FCHSD2: variants seen among roughly 807,000 people sequenced by gnomAD.
The protein encoded by FCHSD2 is FCH and double SH3 domains 2.
Under a neutral mutation model 108.1 loss-of-function variants are expected in FCHSD2, and 38 were observed. That is an observed-to-expected ratio of 0.35 (90% CI 0.27 to 0.46). The LOEUF (loss-of-function observed/expected upper bound fraction) is 0.46, where lower values mean the gene tolerates loss of function less well. FCHSD2 is among the 20% of genes least tolerant of loss of function. FCHSD2 has a pLI of 1.00. For missense variants in FCHSD2, 751 were observed against 897.8 expected, an observed-to-expected ratio of 0.84 and a Z score of 2.09; for synonymous variants, 279 against 314.7, an observed-to-expected ratio of 0.89 and a Z score of 1.20.
At position 72,902,606 on chromosome 11, in the gene FCHSD2, CA is replaced by C; in HGVS notation, c.860del (p.Leu287CysfsTer26). ...VVRDYNLQLF[L>X]QENAVFHKPQ... ...GTTTGTGAAATACAGCGTTTTCTTGCAAAAACAGCTGAAGATTGTAGTCCCG... is the reference window on the plus strand; with the variant it reads ...GTTTGTGAAATACAGCGTTTTCTTGCAAAACAGCTGAAGATTGTAGTCCCG... On this transcript the variant is annotated frameshift_variant, in exon 10 of 20. Coordinates refer to ENST00000409418, the MANE Select transcript of FCHSD2 (RefSeq NM_014824.3). LOFTEE classifies it high-confidence loss of function. The C allele has an allele frequency of 1.9e-6, 3 of 1,581,966 alleles. No individual in the cohort carries two copies. The highest frequency in any genetic ancestry group is 1.2e-5 in the South Asian group (1 of 86,168).
intron 3 of FCHSD2, among the ~76,000 whole-genome samples, chr11:73,082,936 T>A (rs1166800031): frequency 6.6e-6 from 1 of 152,140 alleles, no homozygotes; most frequent in Non-Finnish European, 1.5e-5. Context: ...TAATCTGGAC[T>A]CCACTAAAGG....
intron 2 of FCHSD2, among the ~76,000 whole-genome samples, chr11:73,122,767 T>C (rs1023102359): frequency 1.3e-5 from 2 of 152,184 alleles, no homozygotes; most frequent in African/African-American, 4.8e-5. Context: ...GTGAAATTCA[T>C]AAAGAATGAA....
At chr11:73,074,869 G>A (rs757028858) in intron 3 of FCHSD2, among the ~76,000 whole-genome samples, 2 of 152,062 alleles carry the variant, frequency 1.3e-5, no homozygotes, top group Non-Finnish European at 2.9e-5. Flanking sequence ...CTAGGATCAC[G>A]CCACTGCACT....
chr11:72,977,571 A>G (rs1857126636), intron 8 of FCHSD2, among the ~76,000 whole-genome samples: 1 of 152,276 alleles, frequency 6.6e-6, no homozygotes, highest in Non-Finnish European at 1.5e-5. Context: ...CAAAACTACA[A>G]TGAGATACCA....
At chr11:73,002,187 T>C (rs1395699787) in intron 4 of FCHSD2, among the ~76,000 whole-genome samples, 3 of 152,030 alleles carry the variant, frequency 2.0e-5, no homozygotes, top group Non-Finnish European at 4.4e-5. Flanking sequence ...AAAAGAAAAA[T>C]TGCCTGGGTC....
intron 2 of FCHSD2, among the ~76,000 whole-genome samples, chr11:73,127,907 C>A (rs1041656097): frequency 2.0e-5 from 3 of 151,390 alleles, no homozygotes. Flanking sequence ...ACCAGCCTGG[C>A]CAACATAGTG....
At chr11:72,915,775 G>T (rs1336601137) in intron 9 of FCHSD2, among the ~76,000 whole-genome samples, 11 of 152,084 alleles carry the variant, frequency 7.2e-5, no homozygotes, top group Admixed American at 3.9e-4. Flanking sequence ...CCGAGATCAC[G>T]CCATTGCTCT....
At chr11:72,849,042 T>C (rs1304633269) in intron 14 of FCHSD2, among the ~76,000 whole-genome samples, 3 of 152,232 alleles carry the variant, frequency 2.0e-5, no homozygotes, top group Admixed American at 6.5e-5. Context: ...ATATTGAGGT[T>C]ACCAAACACT....
At chr11:73,083,847 G>T (rs1338350376) in intron 2 of FCHSD2, 107 bp from the exon 3 acceptor site, 14 of 742,616 alleles carry the variant, frequency 1.9e-5, no homozygotes, top group Non-Finnish European at 3.0e-5. Context: ...GTGAGGGAAA[G>T]GACAATATTT....
At chr11:73,022,758 A>C (rs929193715) in intron 3 of FCHSD2, among the ~76,000 whole-genome samples, 3 of 152,154 alleles carry the variant, frequency 2.0e-5, no homozygotes, top group African/African-American at 7.2e-5. Context: ...TAAGAACAAA[A>C]TCAGAGCACT....
chr11:72,888,860 A>G (rs1230580443), intron 11 of FCHSD2, among the ~76,000 whole-genome samples: 1 of 152,150 alleles, frequency 6.6e-6, no homozygotes, highest in Non-Finnish European at 1.5e-5. Flanking sequence ...TGGTTCAAGC[A>G]ATCCACTTGC....
intron 12 of FCHSD2, among the ~76,000 whole-genome samples, chr11:72,873,328 CAA>C (rs200837586): frequency 1.1e-4 from 13 of 121,334 alleles, no homozygotes; most frequent in Admixed American, 8.5e-5. Flanking sequence ...GACTCTGTTT[CAA>C]AAAAAAAAAA....
chr11:72,975,766 T>C (rs1857093132), intron 8 of FCHSD2, among the ~76,000 whole-genome samples: 1 of 152,240 alleles, frequency 6.6e-6, no homozygotes, highest in Non-Finnish European at 1.5e-5. Flanking sequence ...AAGATGTTTA[T>C]CTTTTATTAC....
intron 10 of FCHSD2, among the ~76,000 whole-genome samples, chr11:72,901,829 C>T (rs1855531939): frequency 6.6e-6 from 1 of 151,972 alleles, no homozygotes; most frequent in South Asian, 2.1e-4. Flanking sequence ...ATATTTCATA[C>T]ACATGTTCAT....
intron 2 of FCHSD2, among the ~76,000 whole-genome samples, chr11:73,110,068 T>C (rs539098510): frequency 6.6e-6 from 1 of 152,322 alleles, no homozygotes; most frequent in Admixed American, 6.5e-5. Flanking sequence ...TCCTTTAATG[T>C]ATTATTGAGT....
chr11:72,848,981 T>C (rs564463191), intron 14 of FCHSD2, among the ~76,000 whole-genome samples: 11 of 152,196 alleles, frequency 7.2e-5, no homozygotes, highest in Non-Finnish European at 1.3e-4. Context: ...ATTATGAATT[T>C]AAATATAAAA....
intron 3 of FCHSD2, among the ~76,000 whole-genome samples, chr11:73,068,529 G>A (rs1340075674): frequency 2.0e-5 from 3 of 151,834 alleles, no homozygotes; most frequent in Non-Finnish European, 4.4e-5. Context: ...GAAAAAAAAA[G>A]TTATTATGAA....
At chr11:73,107,974 T>C (rs1228999256) in intron 2 of FCHSD2, among the ~76,000 whole-genome samples, 1 of 152,236 alleles carries the variant, frequency 6.6e-6, no homozygotes, top group African/African-American at 2.4e-5. Flanking sequence ...TATCTTTAGT[T>C]TTCTGAGTGA....
chr11:72,862,682 A>G (rs1565293761), intron 13 of FCHSD2, among the ~76,000 whole-genome samples: 1 of 152,236 alleles, frequency 6.6e-6, no homozygotes, highest in East Asian at 1.9e-4. Flanking sequence ...AGTCATCATA[A>G]TCCTAATAAA....
Sources: allele counts gnomAD v4.1 joint callset (sites outside exome capture counted in the v4.1 genomes callset), GRCh38; gene constraint gnomAD v4.1.1; transcripts MANE v1.5; gene names NCBI Gene and HGNC (gene_info 2026-07-23, HGNC 2026-07-21).